The following NDUFS1 variants were observed in gnomAD, a reference collection of about 807,000 sequenced individuals.
NDUFS1 encodes the protein NADH:ubiquinone oxidoreductase core subunit S1.
Under a neutral mutation model 84.4 loss-of-function variants are expected in NDUFS1, and 61 were observed. That is an observed-to-expected ratio of 0.72 (90% CI 0.59 to 0.89). NDUFS1 has a LOEUF of 0.89. NDUFS1 is among the 40% of genes least tolerant of loss of function. NDUFS1 has a pLI of 0.00. For missense variants in NDUFS1, 891 were observed against 890.0 expected, an observed-to-expected ratio of 1.00 and a Z score of -0.01; for synonymous variants, 275 against 290.0, an observed-to-expected ratio of 0.95 and a Z score of 0.53.
In NDUFS1 at chr2:206,142,826, C is replaced by G. The variant is rs145401558; in HGVS notation, c.993G>C (p.Gln331His). The G allele has an allele frequency of 5.6e-6, 9 of 1,614,186 alleles. No individual in the cohort carries two copies. The highest frequency in any genetic ancestry group is 7.6e-6 in the Non-Finnish European group (9 of 1,180,030). ...CTGCCACATCTTTGCCTTGAAAACT[C>G]TGCAACTAGAAACAGATGAAAAGGG... Reference protein sequence around the residue: ...DALSRVAGMLQSFQGKDVAAI... With the variant: ...DALSRVAGMLHSFQGKDVAAI... Residue 331 changes from glutamine (Q) to histidine (H), a missense_variant, in exon 11 of 19, where the codon CAG becomes CAC. Coordinates refer to ENST00000233190, the MANE Select transcript of NDUFS1 (RefSeq NM_005006.7).
rs541618595 is a variant in NDUFS1 at position 206,125,246 on chromosome 2, G to A, written c.2093-970C>T. On this transcript the variant is annotated intron_variant, in intron 18 of 18. Coordinates refer to ENST00000233190, the MANE Select transcript of NDUFS1 (RefSeq NM_005006.7). ...GGAGGCTGAGGTGGGTGGACTGCTT[G>A]AGTCCAGGAGTTTGAGATCTGCCTG... Among the ~76,000 whole-genome samples the A allele has an allele frequency of 7.9e-5, 12 of 152,214 alleles. 1 individual carries two copies. The South Asian group carries it at 2.5e-3, about 31-fold the overall frequency.
At position 206,144,050 on chromosome 2, in the gene NDUFS1, A is replaced by G; in HGVS notation, c.955T>C (p.Trp319Arg). 5.0e-6 allele frequency: 8 copies of G among 1,613,842 alleles called. No individual in the cohort carries two copies. Among genetic ancestry groups the G allele is most frequent in the South Asian group, 1.1e-5 (1 of 91,084 alleles). The part of the protein sequence containing the change: ...NEKGLLTYTS[W>R]EDALSRVAGM... ...GCTACGCGAGAGAGCGCATCCTCCCAAGAAGTATAGGTTAAAAGCCCTTTT... is the reference window on the plus strand; with the variant it reads ...GCTACGCGAGAGAGCGCATCCTCCCGAGAAGTATAGGTTAAAAGCCCTTTT... The change falls in exon 10 of 19, where the codon TGG becomes CGG. Residue 319 changes from tryptophan (W) to arginine (R), a missense_variant. Trp to Arg is a moderately radical substitution (Grantham distance 101). Transcript: ENST00000233190.
chr2:206,152,914 G>A (rs1195634542), intron 2 of NDUFS1, among the ~76,000 whole-genome samples: 1 of 151,854 alleles, frequency 6.6e-6, no homozygotes, highest in Non-Finnish European at 1.5e-5. Context: ...ATATTGGCCA[G>A]GATGGTCTCA....
intron 1 of NDUFS1, among the ~76,000 whole-genome samples, chr2:206,156,951 G>A (rs1687678668): frequency 6.6e-6 from 1 of 152,304 alleles, no homozygotes; most frequent in African/African-American, 2.4e-5. Flanking sequence ...ACTGGCCACT[G>A]ACAATCAGTA....
At position 206,142,068 on chromosome 2, in the gene NDUFS1, T is replaced by C; in HGVS notation, c.1135A>G (p.Thr379Ala). 6.3e-7 allele frequency: 1 copy of C among 1,591,586 alleles called. No individual in the cohort carries two copies. The highest frequency in any genetic ancestry group is 8.6e-7 in the Non-Finnish European group (1 of 1,159,704). Reference sequence around the variant, plus strand: ...AGAAGATAATTGGAACGCAAATCTGTGCTAGAAATACAATATATAAAATGC... The same window carrying C: ...AGAAGATAATTGGAACGCAAATCTGCGCTAGAAATACAATATATAAAATGC... ...EEVFPTAGAGTDLRSNYLLNT... is the reference protein window; with the variant it reads ...EEVFPTAGAGADLRSNYLLNT... Residue 379 changes from threonine to alanine, a missense_variant and splice_region_variant, in exon 12 of 19, where the codon ACA (threonine) becomes GCA (alanine). By Grantham distance (58) the Thr-to-Ala change is moderately conservative (BLOSUM62 0). Transcript: ENST00000233190.
chr2:206,135,457 G>C (rs550685052), intron 13 of NDUFS1, among the ~76,000 whole-genome samples: 118 of 152,096 alleles, frequency 7.8e-4, no homozygotes, highest in African/African-American at 2.6e-3. Context: ...GGCAGATCAC[G>C]AGGTCAGGAG....
intron 8 of NDUFS1, among the ~76,000 whole-genome samples, chr2:206,145,978 G>A (rs1692140698): frequency 6.6e-6 from 1 of 152,142 alleles, no homozygotes; most frequent in Non-Finnish European, 1.5e-5. Context: ...ACCAGAGAAA[G>A]CTCAACCTAT....
At chr2:206,156,616 T>C (rs1204639493) in intron 1 of NDUFS1, among the ~76,000 whole-genome samples, 1 of 152,062 alleles carries the variant, frequency 6.6e-6, no homozygotes, top group Non-Finnish European at 1.5e-5. Context: ...TTAGAACGTA[T>C]TAAAAAATTT....
rs367723817 is a variant in NDUFS1, at chr2:206,140,943, T to TATATATATACACACACACACAC, written c.1262+997_1262+998insGTGTGTGTGTGTGTATATATAT. On this transcript the variant is annotated intron_variant, in intron 12 of 18. Transcript: ENST00000233190. Reference sequence around the variant, plus strand: ...GTGTGTATATATATATATATATATATACACACACACTGAGAATCATAATAC... The same window carrying TATATATATACACACACACACAC: ...GTGTGTATATATATATATATATATATATATATATACACACACACACACACACACACACTGAGAATCATAATAC... Among the ~76,000 whole-genome samples the TATATATATACACACACACACAC allele has an allele frequency of 2.6e-4, 36 of 136,136 alleles. 1 individual carries two copies. Among genetic ancestry groups the TATATATATACACACACACACAC allele is most frequent in the Middle Eastern group, 3.9e-3 (1 of 256 alleles). The allele number at this position is 136,136 out of a possible 152,430, so 89.3% of individuals were successfully genotyped here. A position where few individuals can be genotyped will look rare whatever the true frequency, so the allele number is the denominator to read the frequency against.
At position 206,118,329 on chromosome 2, in the gene NDUFS1, T is replaced by G. The variant is rs1464604820; in HGVS notation, c.*5856A>C. The G allele has an allele frequency of 6.6e-6, 1 of 152,158 alleles. No individual in the cohort carries two copies. The highest frequency in any genetic ancestry group is 1.5e-5 in the Non-Finnish European group (1 of 68,024). 9.4% of individuals were successfully genotyped at this position (152,158 alleles called of 1,614,324 possible). A position where few individuals can be genotyped will look rare whatever the true frequency, so the allele number is the denominator to read the frequency against. Reference sequence around the variant, plus strand: ...TAAAATATTTTAAAATATTGGTTATTTAAAACTTATTAGGGGCCGGGTACA... The same window carrying G: ...TAAAATATTTTAAAATATTGGTTATGTAAAACTTATTAGGGGCCGGGTACA... On this transcript the variant is annotated 3_prime_UTR_variant, in exon 19 of 19. Coordinates refer to ENST00000233190, the MANE Select transcript of NDUFS1 (RefSeq NM_005006.7).
chr2:206,152,100 A>T (rs1692392514), intron 3 of NDUFS1, among the ~76,000 whole-genome samples: 1 of 152,114 alleles, frequency 6.6e-6, no homozygotes, highest in Non-Finnish European at 1.5e-5. Context: ...CTCCTGAATG[A>T]TCCGCCCGCC....
In NDUFS1 at chr2:206,130,167, C is replaced by A. The variant is rs1463348607; in HGVS notation, c.1629G>T (p.Lys543Asn). 1 of 1,614,052 alleles carries A rather than the reference C, an allele frequency of 6.2e-7. No homozygotes were observed. The highest frequency in any genetic ancestry group is 8.5e-7 in the Non-Finnish European group (1 of 1,180,044). Residue 543 changes from lysine to asparagine, a missense_variant, in exon 15 of 19, where the codon AAG (lysine) becomes AAT (asparagine). Lys to Asn is a moderately conservative substitution (Grantham distance 94). Coordinates refer to ENST00000233190, the MANE Select transcript of NDUFS1 (RefSeq NM_005006.7). ...CATCTGCTCCCAGGAGAAACAGCAC[C>A]TTGGGAGGGTTCTTCCGAATTGCTT... ...GVEAIRKNPP[K>N]VLFLLGADGG...
intron 2 of NDUFS1, 92 bp downstream of exon 2, chr2:206,153,526 G>C (rs1692454081): frequency 1.1e-5 from 9 of 810,554 alleles, no homozygotes; most frequent in Non-Finnish European, 1.9e-5. Flanking sequence ...AAAATCATGG[G>C]TTTAGGGTCT....
chr2:206,132,895 T>C (rs902845629), intron 14 of NDUFS1, 50 bp downstream of exon 14: 3 of 1,509,156 alleles, frequency 2.0e-6, no homozygotes, highest in Non-Finnish European at 2.8e-6. Context: ...CACATACATA[T>C]ACACAACATT....
intron 13 of NDUFS1, among the ~76,000 whole-genome samples, chr2:206,136,427 GT>G (rs760484724): frequency 4.1e-5 from 5 of 123,376 alleles, no homozygotes; most frequent in Admixed American, 8.9e-5. Flanking sequence ...TTAGTTGTTG[GT>G]TTTTTTTTTG....
chr2:206,133,426 T>C (rs1167445915), intron 13 of NDUFS1, among the ~76,000 whole-genome samples: 1 of 152,206 alleles, frequency 6.6e-6, no homozygotes, highest in African/African-American at 2.4e-5. Context: ...GGGGAACTTC[T>C]CTCCAGAGAT....
In NDUFS1 at chr2:206,149,848, C is replaced by T. The variant is rs773054809; in HGVS notation, c.231G>A (p.Met77Ile). The T allele has an allele frequency of 2.5e-6, 4 of 1,606,460 alleles. No individual in the cohort carries two copies. The highest frequency in any genetic ancestry group is 3.4e-6 in the Non-Finnish European group (4 of 1,176,764). ...ERLSVAGNCR[M>I]CLVEIEKAPK... The stretch of plus-strand genomic sequence containing the variant: ...GGGCTTTCTCAATTTCAACAAGGCA[C>T]ATCCTGCAGTTTCCAGCAACAGACA... The change falls in exon 4 of 19, where the codon ATG (methionine) becomes ATA (isoleucine). Residue 77 changes from methionine to isoleucine, a missense_variant. Transcript: ENST00000233190.
In NDUFS1 at chr2:206,122,092, T is replaced by C. The variant is rs1477916582; in HGVS notation, c.*2093A>G. The stretch of plus-strand genomic sequence containing the variant: ...TGATGTATCACTGAGGAGGATAAGA[T>C]AAACAGTTCTAAAAGCTGGTACAGG... On this transcript the variant is annotated 3_prime_UTR_variant, in exon 19 of 19. Coordinates refer to ENST00000233190, the MANE Select transcript of NDUFS1 (RefSeq NM_005006.7). 1 of 152,150 alleles carries C rather than the reference T, an allele frequency of 6.6e-6. No individual in the cohort carries two copies. Among genetic ancestry groups the C allele is most frequent in the African/African-American group, 2.4e-5 (1 of 41,442 alleles). The allele number at this position is 152,150 out of a possible 1,614,324, so 9.4% of individuals were successfully genotyped here.
rs1691118713 is a variant in NDUFS1, at chr2:206,122,285, T to A, written c.*1900A>T. 6.6e-6 allele frequency: 1 copy of A among 151,960 alleles called. No individual in the cohort carries two copies. Among genetic ancestry groups the A allele is most frequent in the African/African-American group, 2.4e-5 (1 of 41,378 alleles). 9.4% of individuals were successfully genotyped at this position (151,960 alleles called of 1,614,324 possible). On this transcript the variant is annotated 3_prime_UTR_variant, in exon 19 of 19. Transcript: ENST00000233190. ...CCACTGCACCTGCTGTTTTTAAAGA[T>A]ATTGTAACATACTATTATTCTAAAA...
Sources: gnomAD v4.1 joint callset for allele counts (sites outside exome capture counted in the v4.1 genomes callset) on GRCh38, gnomAD v4.1.1 for gene constraint, MANE v1.5 for transcripts, NCBI Gene and HGNC (gene_info 2026-07-23, HGNC 2026-07-21) for gene names.